The following PXDNL variants were observed in gnomAD, a reference collection of about 807,000 sequenced individuals.
The protein encoded by PXDNL is probable oxidoreductase PXDNL.
PXDNL carries 145 observed loss-of-function variants against 150.8 expected under a neutral mutation model. The ratio of observed to expected loss-of-function variants is 0.96; its 90% CI spans 0.84 to 1.10. The LOEUF is 1.10. Ranked by LOEUF, PXDNL falls within the 50% of genes least tolerant of loss-of-function variation. PXDNL has a pLI of 0.00. For synonymous variants in PXDNL, 757 were observed against 725.7 expected (o/e 1.04, Z -0.69); for missense variants, 2,087 against 1,873.9 (o/e 1.11, Z -2.10).
rs892122217 is a variant in PXDNL at position 51,493,076 on chromosome 8, A to T, written c.452+6623T>A. Reference sequence around the variant, plus strand: ...ACTCACACGGCCAGGTACTCCTCTGAGACAAAACTTCCAGAGGAACGATCA... The same window carrying T: ...ACTCACACGGCCAGGTACTCCTCTGTGACAAAACTTCCAGAGGAACGATCA... On this transcript the variant is annotated intron_variant, in intron 5 of 22. Coordinates refer to ENST00000356297, the MANE Select transcript of PXDNL (RefSeq NM_144651.5). 5.3e-5 allele frequency among the ~76,000 whole-genome samples: 8 copies of T among 152,252 alleles called. No individual in the cohort carries two copies. In the East Asian group the frequency reaches 9.7e-4, roughly 18 times the overall value.
chr8:51,757,989 A>G (rs1272733143), intron 1 of PXDNL, among the ~76,000 whole-genome samples: 1 of 152,200 alleles, frequency 6.6e-6, no homozygotes, highest in Non-Finnish European at 1.5e-5. Context: ...AATATAAAAA[A>G]CTGAACATAT....
chr8:51,339,835 T>C, intron 20 of PXDNL, 82 bp from the exon 21 acceptor site: 1 of 1,419,316 alleles, frequency 7.0e-7, no homozygotes, highest in Non-Finnish European at 9.7e-7. Flanking sequence ...TCTTCTTTGG[T>C]CATTTGGCAT....
At chr8:51,411,535 T>C in intron 15 of PXDNL, 128 bp from the exon 16 acceptor site, 4 of 804,668 alleles carry the variant, frequency 5.0e-6, no homozygotes, top group South Asian at 5.8e-5. Flanking sequence ...ACCACTACAA[T>C]AGAGGCTCTA....
chr8:51,379,749 A>T (rs912580974), intron 17 of PXDNL, among the ~76,000 whole-genome samples: 1 of 151,956 alleles, frequency 6.6e-6, no homozygotes, highest in African/African-American at 2.4e-5. Flanking sequence ...TGCCATAGAG[A>T]TATTCTCTTT....
chr8:51,772,311 C>G (rs2037307578), intron 1 of PXDNL, among the ~76,000 whole-genome samples: 1 of 151,986 alleles, frequency 6.6e-6, no homozygotes, highest in African/African-American at 2.4e-5. Context: ...GCCCCACTCT[C>G]TCTTTTCTGG....
chr8:51,718,399 G>T (rs2130911474), intron 1 of PXDNL, among the ~76,000 whole-genome samples: 1 of 152,226 alleles, frequency 6.6e-6, no homozygotes, highest in South Asian at 2.1e-4. Context: ...TGTACTGGAG[G>T]TTAGGTGAAA....
At position 51,716,016 on chromosome 8, in the gene PXDNL, A is replaced by G. The variant is rs139600331; in HGVS notation, c.165-61256T>C. ...GATTTATAGATATGGATGCTGTACT[A>G]TGATTGCTCAACCATAGACTGGCTT... is the stretch of plus-strand genomic sequence containing the variant. On this transcript the variant is annotated intron_variant, in intron 1 of 22. Transcript: ENST00000356297. Among the ~76,000 whole-genome samples, 339 of 152,330 alleles carry G rather than the reference A, an allele frequency of 2.2e-3. 2 individuals carry two copies. The highest frequency in any genetic ancestry group is 7.7e-3 in the African/African-American group (319 of 41,570).
chr8:51,324,689 TC>T (rs1183417380), intron 21 of PXDNL, among the ~76,000 whole-genome samples: 1 of 152,210 alleles, frequency 6.6e-6, no homozygotes, highest in African/African-American at 2.4e-5. Flanking sequence ...ACTGATTCTT[TC>T]CCCTCTGATC....
At chr8:51,508,158 T>A (rs1053830141) in intron 4 of PXDNL, among the ~76,000 whole-genome samples, 3 of 152,312 alleles carry the variant, frequency 2.0e-5, no homozygotes, top group Middle Eastern at 3.4e-3. Flanking sequence ...GAGGCAGGAA[T>A]GTGTCCCAGT....
chr8:51,568,346 G>T (rs1204803050), intron 3 of PXDNL, among the ~76,000 whole-genome samples: 1 of 151,676 alleles, frequency 6.6e-6, no homozygotes, highest in Non-Finnish European at 1.5e-5. Flanking sequence ...GAAAGTCATT[G>T]TTTCCTCTTC....
chr8:51,611,858 C>T (rs925728109), intron 2 of PXDNL, among the ~76,000 whole-genome samples: 6 of 152,218 alleles, frequency 3.9e-5, no homozygotes, highest in South Asian at 2.1e-4. Flanking sequence ...GAACTGTCTG[C>T]GGAGTAGGAG....
chr8:51,473,293 A>ACACT (rs1393708714), intron 7 of PXDNL, among the ~76,000 whole-genome samples: 14 of 151,682 alleles, frequency 9.2e-5, no homozygotes, highest in Non-Finnish European at 1.8e-4. Context: ...ACACACACAC[A>ACACT]CACACACACA....
intron 1 of PXDNL, among the ~76,000 whole-genome samples, chr8:51,676,949 G>A (rs902761912): frequency 6.6e-5 from 10 of 152,174 alleles, no homozygotes; most frequent in Non-Finnish European, 1.5e-4. Flanking sequence ...ATCAGCTCCT[G>A]AAATGGGTCA....
intron 3 of PXDNL, among the ~76,000 whole-genome samples, chr8:51,583,420 T>G (rs1169407845): frequency 6.6e-6 from 1 of 152,164 alleles, no homozygotes; most frequent in African/African-American, 2.4e-5. Context: ...TATCAAATTT[T>G]GGGGTGTATA....
At chr8:51,771,679 A>G (rs886423573) in intron 1 of PXDNL, among the ~76,000 whole-genome samples, 1 of 152,216 alleles carries the variant, frequency 6.6e-6, no homozygotes, top group African/African-American at 2.4e-5. Context: ...TCAGAGAACA[A>G]TAAAAAAGAG....
chr8:51,762,782 A>G (rs1355499549), intron 1 of PXDNL, among the ~76,000 whole-genome samples: 1 of 152,196 alleles, frequency 6.6e-6, no homozygotes, highest in Non-Finnish European at 1.5e-5. Context: ...GTCACGGGCC[A>G]TCGTCACTCA....
chr8:51,747,134 T>C (rs2036992519), intron 1 of PXDNL, among the ~76,000 whole-genome samples: 2 of 151,986 alleles, frequency 1.3e-5, no homozygotes, highest in South Asian at 2.1e-4. Context: ...CATGATGGAG[T>C]TTTGTTTGTC....
intron 19 of PXDNL, among the ~76,000 whole-genome samples, chr8:51,370,790 T>G (rs1807083800): frequency 6.6e-6 from 1 of 152,216 alleles, no homozygotes; most frequent in African/African-American, 2.4e-5. Context: ...GGAGATGGGG[T>G]TTCGCCATGT....
At chr8:51,698,398 AG>A (rs1816188272) in intron 1 of PXDNL, among the ~76,000 whole-genome samples, 1 of 152,232 alleles carries the variant, frequency 6.6e-6, no homozygotes, top group African/African-American at 2.4e-5. Flanking sequence ...ATCTCAAAGA[AG>A]CCACTTTTTT....
Sources: allele counts gnomAD v4.1 joint callset (sites outside exome capture counted in the v4.1 genomes callset), GRCh38; gene constraint gnomAD v4.1.1; transcripts MANE v1.5; gene names NCBI Gene and HGNC (gene_info 2026-07-23, HGNC 2026-07-21).